YWHAB: variants seen among roughly 807,000 people sequenced by gnomAD.
YWHAB encodes the protein tyrosine 3-monooxygenase/tryptophan 5-monooxygenase activation protein beta.
A neutral mutation model predicts 28.5 loss-of-function variants in YWHAB; 2 were observed. That is an observed-to-expected ratio of 0.07 (90% confidence interval 0.03 to 0.22). YWHAB has a LOEUF of 0.22. YWHAB is among the 10% of genes least tolerant of loss of function. The probability of loss-of-function intolerance (pLI) is 1.00; values close to 1 mark genes in which losing one functional copy is unlikely to be tolerated. For missense variants in YWHAB, 148 were observed against 297.1 expected (o/e 0.50, Z 3.69); for synonymous variants, 103 against 104.7 (o/e 0.98, Z 0.10).
chr20:44,904,475 C>T lies in YWHAB; in HGVS notation c.424+359C>T, dbSNP rs539763965. ...TTACCGTGATGGTGGTAATCTTAAC[C>T]ACACTTTATTAAGTGCTTCTGTGCC... On this transcript the variant is annotated intron_variant, in intron 3 of 5. Transcript: ENST00000353703. Among the ~76,000 whole-genome samples the T allele has an allele frequency of 7.7e-4, 116 of 151,546 alleles. 1 individual carries two copies. Among genetic ancestry groups the T allele is most frequent in the Non-Finnish European group, 1.1e-3 (71 of 67,616 alleles).
At chr20:44,894,862 C>A (rs144609773) in intron 1 of YWHAB, among the ~76,000 whole-genome samples, 1 of 152,354 alleles carries the variant, frequency 6.6e-6, no homozygotes, top group Admixed American at 6.5e-5. Context: ...CTGCTGCCTT[C>A]CGACTATACT....
chr20:44,886,375 C>T (rs2066527685), intron 1 of YWHAB: 1 of 152,256 alleles, frequency 6.6e-6, no homozygotes, highest in African/African-American at 2.4e-5. Context: ...GGGGTTTAAC[C>T]TTGGGAGACA....
chr20:44,907,318 A>G lies in YWHAB; in HGVS notation c.*880A>G, dbSNP rs540970334. 1 of 152,528 alleles carries G rather than the reference A, an allele frequency of 6.6e-6. No individual in the cohort carries two copies. The highest frequency in any genetic ancestry group is 2.4e-5 in the African/African-American group (1 of 41,546). The allele number at this position is 152,528 out of a possible 1,614,324, so 9.4% of individuals were successfully genotyped here. On this transcript the variant is annotated 3_prime_UTR_variant, in exon 6 of 6. Transcript: ENST00000353703. ...CTGAGTCAGGCGTGGTGGTGCGTGC[A>G]TCTAGTCCCAACTATTTGGGAGGCT... is the stretch of plus-strand genomic sequence containing the variant.
chr20:44,894,068 A>G (rs1417051569), intron 1 of YWHAB, among the ~76,000 whole-genome samples: 1 of 152,044 alleles, frequency 6.6e-6, no homozygotes, highest in Non-Finnish European at 1.5e-5. Flanking sequence ...TCACTAAGCA[A>G]TCTCTGCGTT....
Position 44,908,084 on chromosome 20 carries a change from C to T in YWHAB, c.*1646C>T, listed in dbSNP as rs1056853019. ...CCTCTACCTTTGATATTCCACTTAGCTGTAGAGTCCATCTGTTTGTCCATC... is the reference window on the plus strand; with the variant it reads ...CCTCTACCTTTGATATTCCACTTAGTTGTAGAGTCCATCTGTTTGTCCATC... On this transcript the variant is annotated 3_prime_UTR_variant, in exon 6 of 6. Transcript: ENST00000353703. 1 of 151,742 alleles carries T rather than the reference C, an allele frequency of 6.6e-6. No homozygotes were observed. The allele number at this position is 151,742 out of a possible 1,614,324, so 9.4% of individuals were successfully genotyped here. A position where few individuals can be genotyped will look rare whatever the true frequency, so the allele number is the denominator to read the frequency against.
At position 44,906,379 on chromosome 20, in the gene YWHAB, C is replaced by T; in HGVS notation, c.685-3C>T. 6.2e-7 allele frequency: 1 copy of T among 1,612,800 alleles called. No homozygotes were observed. On this transcript the variant is annotated splice_polypyrimidine_tract_variant and splice_region_variant and intron_variant, in intron 5 of 5. Coordinates refer to ENST00000353703, the MANE Select transcript of YWHAB (RefSeq NM_139323.4). ...CTTTGATTATACTTCCTTTCTCTTGCAGCTGTGGACATCGGAAAACCAGGG... is the reference window on the plus strand; with the variant it reads ...CTTTGATTATACTTCCTTTCTCTTGTAGCTGTGGACATCGGAAAACCAGGG...
intron 2 of YWHAB, 24 bp from the exon 3 acceptor site, chr20:44,903,969 T>C: frequency 7.5e-6 from 12 of 1,592,268 alleles, no homozygotes; most frequent in Non-Finnish European, 1.0e-5. Flanking sequence ...TAATTCTAAA[T>C]TCTTAACAAT....
chr20:44,894,075 C>T (rs983397156), intron 1 of YWHAB, among the ~76,000 whole-genome samples: 2 of 152,170 alleles, frequency 1.3e-5, no homozygotes, highest in African/African-American at 2.4e-5. Context: ...GCAATCTCTG[C>T]GTTTATCAAC....
intron 3 of YWHAB, 114 bp from the exon 4 acceptor site, chr20:44,904,854 G>T: frequency 9.8e-7 from 1 of 1,022,334 alleles, no homozygotes. Flanking sequence ...CACTTCATTT[G>T]ATAGGTCATT....
At position 44,907,521 on chromosome 20, in the gene YWHAB, C is replaced by T. The variant is rs1223929011; in HGVS notation, c.*1083C>T. 2.0e-5 allele frequency: 3 copies of T among 152,302 alleles called. No individual in the cohort carries two copies. Among genetic ancestry groups the T allele is most frequent in the African/African-American group, 7.2e-5 (3 of 41,570 alleles). The allele number at this position is 152,302 out of a possible 1,614,324, so 9.4% of individuals were successfully genotyped here. On this transcript the variant is annotated 3_prime_UTR_variant, in exon 6 of 6. Coordinates refer to ENST00000353703, the MANE Select transcript of YWHAB (RefSeq NM_139323.4). ...GATGGCCTTTCACTTGAGGAGTACT[C>T]AGTTTTCAGGTTCTTCCTAGCTCGG...
At position 44,907,485 on chromosome 20, in the gene YWHAB, T is replaced by G. The variant is rs1166326929; in HGVS notation, c.*1047T>G. 6.6e-6 allele frequency: 1 copy of G among 152,180 alleles called. No homozygotes were observed. Among genetic ancestry groups the G allele is most frequent in the African/African-American group, 2.4e-5 (1 of 41,456 alleles). The allele number at this position is 152,180 out of a possible 1,614,324, so 9.4% of individuals were successfully genotyped here. A position where few individuals can be genotyped will look rare whatever the true frequency, so the allele number is the denominator to read the frequency against. On this transcript the variant is annotated 3_prime_UTR_variant, in exon 6 of 6. Coordinates refer to ENST00000353703, the MANE Select transcript of YWHAB (RefSeq NM_139323.4). ...AAACAAAAAACAAAAAAAGGAATGA[T>G]GTTCTGTAGAGATGGCCTTTCACTT... is the stretch of plus-strand genomic sequence containing the variant.
intron 4 of YWHAB, 80 bp downstream of exon 4, chr20:44,905,211 T>G (rs2066649344): frequency 2.1e-6 from 3 of 1,448,792 alleles, no homozygotes; most frequent in Admixed American, 2.3e-5. Flanking sequence ...CTGAACATAC[T>G]CATTGTCTTG....
chr20:44,889,207 T>A (rs1012962955), intron 1 of YWHAB, among the ~76,000 whole-genome samples: 3 of 152,220 alleles, frequency 2.0e-5, no homozygotes, highest in African/African-American at 7.2e-5. Flanking sequence ...ATCTTAGCAG[T>A]CATCTGTATT....
At chr20:44,904,211 C>A (rs2066643388) in intron 3 of YWHAB, 95 bp downstream of exon 3, 2 of 1,458,132 alleles carry the variant, frequency 1.4e-6, no homozygotes, top group Non-Finnish European at 1.9e-6. Flanking sequence ...TCGCCATAGA[C>A]ACCAATGTCA....
rs763441569 is a variant in YWHAB at position 44,901,758 on chromosome 20, G to A, written c.225G>A (p.Glu75=). 1.2e-6 allele frequency: 2 copies of A among 1,613,670 alleles called. No homozygotes were observed. Among genetic ancestry groups the A allele is most frequent in the East Asian group, 2.2e-5 (1 of 44,882 alleles). ...TTGAGCAGAAAACAGAGAGGAATGA[G>A]AAGAAGCAGCAGATGGGCAAAGAGT... The part of the protein sequence containing the change: ...SSIEQKTERN[E]KKQQMGKEYR... Residue 75 remains glutamate (E), a synonymous_variant, in exon 2 of 6, where the codon GAG becomes GAA. Transcript: ENST00000353703.
chr20:44,902,451 CAT>C (rs2066632950), intron 2 of YWHAB: 1 of 152,240 alleles, frequency 6.6e-6, no homozygotes, highest in South Asian at 2.1e-4. Flanking sequence ...AAATCATAAT[CAT>C]ATTGTCTTTC....
intron 1 of YWHAB, chr20:44,886,374 C>T (rs1267043488): frequency 2.6e-5 from 4 of 152,238 alleles, no homozygotes; most frequent in Non-Finnish European, 5.9e-5. Context: ...AGGGGTTTAA[C>T]CTTGGGAGAC....
intron 1 of YWHAB, among the ~76,000 whole-genome samples, chr20:44,901,233 A>G (rs2066624395): frequency 6.6e-6 from 1 of 152,094 alleles, no homozygotes; most frequent in African/African-American, 2.4e-5. Flanking sequence ...TGGGCATATC[A>G]CTTGCCTTCC....
intron 1 of YWHAB, among the ~76,000 whole-genome samples, chr20:44,896,277 A>G (rs796839223): frequency 2.6e-5 from 4 of 152,356 alleles, no homozygotes; most frequent in African/African-American, 7.2e-5. Context: ...GGCACTAGCC[A>G]CATTTTAAGT....
Sources: allele counts gnomAD v4.1 joint callset (sites outside exome capture counted in the v4.1 genomes callset), GRCh38; gene constraint gnomAD v4.1.1; transcripts MANE v1.5; gene names NCBI Gene and HGNC (gene_info 2026-07-23, HGNC 2026-07-21).